ZBTB7C: variants seen among roughly 807,000 people sequenced by gnomAD.
The protein encoded by ZBTB7C is zinc finger and BTB domain containing 7C, also known as zinc finger and BTB domain-containing protein 7C.
Under a neutral mutation model 25.7 loss-of-function variants are expected in ZBTB7C, and 8 were observed. That is an observed-to-expected ratio of 0.31 (90% CI 0.18 to 0.56). ZBTB7C has a LOEUF of 0.56. ZBTB7C is among the 20% of genes least tolerant of loss of function. The pLI, the probability that ZBTB7C is intolerant of heterozygous loss-of-function variation, is 0.91. For synonymous variants in ZBTB7C, 394 were observed against 369.0 expected (o/e 1.07, Z -0.78); for missense variants, 824 against 855.2 (o/e 0.96, Z 0.46).
At chr18:48,302,190 T>C (rs2045560675) in intron 2 of ZBTB7C, among the ~76,000 whole-genome samples, 1 of 152,206 alleles carries the variant, frequency 6.6e-6, no homozygotes, top group African/African-American at 2.4e-5. Flanking sequence ...TCCCTTCTCC[T>C]AGGTTCCTCC....
At chr18:48,112,887 C>T (rs1281193815) in intron 3 of ZBTB7C, among the ~76,000 whole-genome samples, 1 of 152,066 alleles carries the variant, frequency 6.6e-6, no homozygotes, top group Non-Finnish European at 1.5e-5. Context: ...ATGAGTATTT[C>T]AGTGATAAAG....
At chr18:48,133,275 T>C (rs895402496) in intron 3 of ZBTB7C, among the ~76,000 whole-genome samples, 2 of 152,280 alleles carry the variant, frequency 1.3e-5, no homozygotes, top group African/African-American at 2.4e-5. Context: ...TGGGTGCGGA[T>C]GAAGTGGAAG....
At chr18:48,388,631 C>T (rs2047806167) in intron 1 of ZBTB7C, among the ~76,000 whole-genome samples, 1 of 152,136 alleles carries the variant, frequency 6.6e-6, no homozygotes, top group Admixed American at 6.5e-5. Flanking sequence ...TGCCTGTGAT[C>T]CCAGCTACTT....
chr18:48,213,234 A>T (rs1320249028), intron 2 of ZBTB7C, among the ~76,000 whole-genome samples: 2 of 152,192 alleles, frequency 1.3e-5, no homozygotes, highest in Non-Finnish European at 2.9e-5. Flanking sequence ...GCTGTCCTTT[A>T]ACTTTCTCAA....
chr18:48,337,715 C>T (rs1348833947), intron 2 of ZBTB7C, among the ~76,000 whole-genome samples: 1 of 152,254 alleles, frequency 6.6e-6, no homozygotes, highest in Non-Finnish European at 1.5e-5. Context: ...CATATCTGAA[C>T]CAGACCTAAA....
chr18:48,086,983 C>T (rs149974147), intron 3 of ZBTB7C, among the ~76,000 whole-genome samples: 2 of 152,316 alleles, frequency 1.3e-5, no homozygotes, highest in African/African-American at 4.8e-5. Flanking sequence ...TATTGTTTTT[C>T]AGTAACTCCT....
At chr18:48,037,296 A>G (rs1245925483) in intron 4 of ZBTB7C, among the ~76,000 whole-genome samples, 2 of 152,236 alleles carry the variant, frequency 1.3e-5, no homozygotes, top group Non-Finnish European at 2.9e-5. Flanking sequence ...CCAAGGCCAG[A>G]TGGCTGGATG....
chr18:48,302,998 G>A (rs1446950460), intron 2 of ZBTB7C, among the ~76,000 whole-genome samples: 1 of 152,204 alleles, frequency 6.6e-6, no homozygotes, highest in East Asian at 1.9e-4. Flanking sequence ...AAGCGGCATT[G>A]GACCAGCAGT....
intron 2 of ZBTB7C, among the ~76,000 whole-genome samples, chr18:48,248,467 T>G (rs2043758210): frequency 6.6e-6 from 1 of 152,182 alleles, no homozygotes; most frequent in South Asian, 2.1e-4. Flanking sequence ...TGGCCCTCCC[T>G]GTCTTCCCTA....
intron 2 of ZBTB7C, among the ~76,000 whole-genome samples, chr18:48,271,725 A>G (rs1369499635): frequency 6.6e-6 from 1 of 152,012 alleles, no homozygotes; most frequent in Non-Finnish European, 1.5e-5. Context: ...ACAAATAAAT[A>G]TGATCATCTT....
At chr18:48,111,010 G>C (rs1052955714) in intron 3 of ZBTB7C, among the ~76,000 whole-genome samples, 2 of 152,206 alleles carry the variant, frequency 1.3e-5, no homozygotes, top group Admixed American at 6.5e-5. Context: ...CTAACAAAGA[G>C]AGCCAGGCCA....
chr18:48,300,773 C>A (rs931207979), intron 2 of ZBTB7C, among the ~76,000 whole-genome samples: 2 of 152,244 alleles, frequency 1.3e-5, no homozygotes, highest in Non-Finnish European at 2.9e-5. Context: ...GGCTGTGAGG[C>A]AGCAGACAGG....
chr18:48,196,689 T>A (rs1307258818), intron 2 of ZBTB7C, among the ~76,000 whole-genome samples: 1 of 151,968 alleles, frequency 6.6e-6, no homozygotes, highest in Non-Finnish European at 1.5e-5. Context: ...TCTGAAAGTC[T>A]TTTTTTTCTA....
intron 3 of ZBTB7C, among the ~76,000 whole-genome samples, chr18:48,131,997 A>T (rs2040000403): frequency 6.6e-6 from 1 of 152,210 alleles, no homozygotes. Flanking sequence ...CCAAAGGGTA[A>T]CTATCAAGTT....
chr18:48,238,531 A>G (rs1259699261), intron 2 of ZBTB7C, among the ~76,000 whole-genome samples: 1 of 152,238 alleles, frequency 6.6e-6, no homozygotes, highest in Non-Finnish European at 1.5e-5. Flanking sequence ...AATCCAGATC[A>G]TGGGAGAAGG....
intron 2 of ZBTB7C, among the ~76,000 whole-genome samples, chr18:48,305,554 C>A (rs979495792): frequency 1.3e-5 from 2 of 152,110 alleles, no homozygotes; most frequent in African/African-American, 2.4e-5. Context: ...GAGGTGATAC[C>A]CCTCCTGGGT....
intron 1 of ZBTB7C, among the ~76,000 whole-genome samples, chr18:48,396,382 A>C (rs2048029116): frequency 6.6e-6 from 1 of 152,202 alleles, no homozygotes; most frequent in Non-Finnish European, 1.5e-5. Context: ...GCTTTCAATA[A>C]ATACTCTGCA....
chr18:48,260,209 ATAAC>A (rs935168555), intron 2 of ZBTB7C, among the ~76,000 whole-genome samples: 1 of 152,190 alleles, frequency 6.6e-6, no homozygotes, highest in Non-Finnish European at 1.5e-5. Flanking sequence ...TAATCTCAAA[ATAAC>A]TATGCTGAGT....
intron 2 of ZBTB7C, among the ~76,000 whole-genome samples, chr18:48,215,596 T>G (rs1263403216): frequency 2.0e-5 from 3 of 151,804 alleles, no homozygotes; most frequent in Non-Finnish European, 4.4e-5. Flanking sequence ...TAGAAAGGAG[T>G]GTCTGGGTTA....
Sources: allele counts gnomAD v4.1 joint callset (sites outside exome capture counted in the v4.1 genomes callset), GRCh38; gene constraint gnomAD v4.1.1; transcripts MANE v1.5; gene names NCBI Gene and HGNC (gene_info 2026-07-23, HGNC 2026-07-21).